Variants in ZNF382 observed in about 807,000 individuals in gnomAD.
ZNF382 encodes zinc finger protein 382, also known as KRAB/zinc finger suppressor protein 1.
ZNF382 carries 20 observed loss-of-function variants against 38.8 expected under a neutral mutation model. The ratio of observed to expected loss-of-function variants is 0.51; its 90% confidence interval spans 0.36 to 0.75. The LOEUF (loss-of-function observed/expected upper bound fraction) is 0.75. Among genes scored for constraint, ZNF382 ranks in the 30% least tolerant of loss-of-function variants. The pLI, the probability that ZNF382 is intolerant of heterozygous loss-of-function variation, is 0.00. For missense variants in ZNF382, 546 were observed against 654.1 expected (o/e 0.83, Z 1.80); for synonymous variants, 202 against 223.1 (o/e 0.91, Z 0.84).
At position 36,628,469 on chromosome 19, in the gene ZNF382, T is replaced by C. The variant is rs190713973; in HGVS notation, c.*919T>C. 6.5e-6 allele frequency: 1 copy of C among 153,280 alleles called. No individual in the cohort carries two copies. The highest frequency in any genetic ancestry group is 1.9e-4 in the East Asian group (1 of 5,188). The allele number at this position is 153,280 out of a possible 1,614,324, so 9.5% of individuals were successfully genotyped here. A position where few individuals can be genotyped will look rare whatever the true frequency, so the allele number is the denominator to read the frequency against. On this transcript the variant is annotated 3_prime_UTR_variant, in exon 5 of 5. Transcript: ENST00000292928. ...GTGCTGGTTCAAACCAGAGAATTCA[T>C]GCTGCAGGGAAACTCAATCAATGTT... is the stretch of plus-strand genomic sequence containing the variant.
At chr19:36,615,317 A>T (rs973439879) in intron 4 of ZNF382, among the ~76,000 whole-genome samples, 1 of 152,192 alleles carries the variant, frequency 6.6e-6, no homozygotes, top group African/African-American at 2.4e-5. Context: ...TATAGTAATT[A>T]TAATTTTAAC....
chr19:36,627,472 T>C lies in ZNF382; in HGVS notation c.1575T>C (p.Cys525=). Residue 525 remains cysteine (C), a synonymous_variant, in exon 5 of 5, where the codon TGT becomes TGC. Transcript: ENST00000292928. ...AGAAACCATATGAATGTAAACAGTG[T>C]GGGAAGTTCTTCAGTTGTAAGTCAA... ...TGEKPYECKQ[C]GKFFSCKSNL... is the part of the protein sequence containing the mutation. 2.5e-6 allele frequency: 4 copies of C among 1,614,148 alleles called. No homozygotes were observed. The highest frequency in any genetic ancestry group is 3.4e-6 in the Non-Finnish European group (4 of 1,180,008).
chr19:36,621,344 T>A (rs1484165718), intron 4 of ZNF382, among the ~76,000 whole-genome samples: 1 of 149,888 alleles, frequency 6.7e-6, no homozygotes, highest in Non-Finnish European at 1.5e-5. Flanking sequence ...TTTTTTTTTT[T>A]TTCCAGTTTT....
chr19:36,632,096 G>C lies in ZNF382; in HGVS notation c.*4546G>C, dbSNP rs1173957724. The C allele has an allele frequency of 6.6e-6, 1 of 152,172 alleles. No homozygotes were observed. The highest frequency in any genetic ancestry group is 2.4e-5 in the African/African-American group (1 of 41,440). The allele number at this position is 152,172 out of a possible 1,614,324, so 9.4% of individuals were successfully genotyped here. A position where few individuals can be genotyped will look rare whatever the true frequency, so the allele number is the denominator to read the frequency against. ...CAGTGGTTTTATTCACACACAGACCGCACACTGTCTCTGAACTGAAGCACT... is the reference window on the plus strand; with the variant it reads ...CAGTGGTTTTATTCACACACAGACCCCACACTGTCTCTGAACTGAAGCACT... On this transcript the variant is annotated 3_prime_UTR_variant, in exon 5 of 5. Transcript: ENST00000292928.
rs1475243469 is a variant in ZNF382, at chr19:36,626,519, C to G, written c.622C>G (p.Pro208Ala). 6.2e-7 allele frequency: 1 copy of G among 1,610,702 alleles called. No individual in the cohort carries two copies. Among genetic ancestry groups the G allele is most frequent in the South Asian group, 1.1e-5 (1 of 90,252 alleles). ...TATTCAGCATCAGAAGGTTCAAGCTCCAGAGCAACCATTTGACCATAATGA... is the reference window on the plus strand; with the variant it reads ...TATTCAGCATCAGAAGGTTCAAGCTGCAGAGCAACCATTTGACCATAATGA... ...ELIQHQKVQA[P>A]EQPFDHNECE... is the part of the protein sequence containing the mutation. The change falls in exon 5 of 5, where the codon CCA becomes GCA. Residue 208 changes from proline to alanine, a missense_variant. Coordinates refer to ENST00000292928, the MANE Select transcript of ZNF382 (RefSeq NM_032825.5).
At chr19:36,622,187 G>T (rs1241709506) in intron 4 of ZNF382, among the ~76,000 whole-genome samples, 2 of 152,022 alleles carry the variant, frequency 1.3e-5, no homozygotes, top group African/African-American at 4.8e-5. Flanking sequence ...ACACCCTGCT[G>T]ATTTTTGTAT....
In ZNF382 at chr19:36,627,286, C is replaced by G; in HGVS notation, c.1389C>G (p.Pro463=). ...LHQRIHTGEK[P]YICNECGKSF... Reference sequence around the variant, plus strand: ...AGAGAATTCACACGGGGGAAAAACCCTATATTTGTAATGAATGTGGGAAGT... The same window carrying G: ...AGAGAATTCACACGGGGGAAAAACCGTATATTTGTAATGAATGTGGGAAGT... Residue 463 remains proline (P), a synonymous_variant, in exon 5 of 5, where the codon CCC becomes CCG. Coordinates refer to ENST00000292928, the MANE Select transcript of ZNF382 (RefSeq NM_032825.5). 6.2e-7 allele frequency: 1 copy of G among 1,613,890 alleles called. No individual in the cohort carries two copies. Among genetic ancestry groups the G allele is most frequent in the African/African-American group, 1.3e-5 (1 of 74,932 alleles).
chr19:36,626,858 G>A lies in ZNF382; in HGVS notation c.961G>A (p.Glu321Lys), dbSNP rs1459819758. The change falls in exon 5 of 5, where the codon GAA becomes AAA. Residue 321 changes from glutamate to lysine, a missense_variant. Glu to Lys is a moderately conservative substitution (Grantham distance 56). Coordinates refer to ENST00000292928, the MANE Select transcript of ZNF382 (RefSeq NM_032825.5). ...LIEHQRIHTG[E>K]KPYVCNQCGK... Reference sequence around the variant, plus strand: ...TGAACATCAGCGAATTCACACAGGTGAAAAACCTTATGTTTGCAATCAATG... The same window carrying A: ...TGAACATCAGCGAATTCACACAGGTAAAAAACCTTATGTTTGCAATCAATG... 2 of 1,614,210 alleles carry A rather than the reference G, an allele frequency of 1.2e-6. No individual in the cohort carries two copies. Among genetic ancestry groups the A allele is most frequent in the Admixed American group, 1.7e-5 (1 of 60,030 alleles).
chr19:36,616,815 G>C (rs912004990), intron 4 of ZNF382, among the ~76,000 whole-genome samples: 3 of 152,168 alleles, frequency 2.0e-5, no homozygotes, highest in South Asian at 4.2e-4. Flanking sequence ...AGTTTCTTTT[G>C]GGGGCCCCTT....
intron 3 of ZNF382, among the ~76,000 whole-genome samples, 160 bp downstream of exon 3, chr19:36,610,213 T>G (rs1568627160): frequency 6.6e-6 from 1 of 152,128 alleles, no homozygotes; most frequent in Non-Finnish European, 1.5e-5. Context: ...CCCAGCACTT[T>G]GGGAGGCCGA....
At chr19:36,613,046 C>T (rs576825930) in intron 4 of ZNF382, among the ~76,000 whole-genome samples, 18 of 152,298 alleles carry the variant, frequency 1.2e-4, no homozygotes, top group African/African-American at 3.6e-4. Flanking sequence ...CCACCTTGGC[C>T]TCCCAAAGTG....
Position 36,610,570 on chromosome 19 carries a change from T to C in ZNF382, c.140-80T>C. The C allele has an allele frequency of 7.8e-6, 9 of 1,155,720 alleles. No individual in the cohort carries two copies. In the South Asian group the frequency reaches 1.3e-4, roughly 16 times the overall value. The allele number at this position is 1,155,720 out of a possible 1,614,324, so 71.6% of individuals were successfully genotyped here. On this transcript the variant is annotated intron_variant, in intron 3 of 4. Transcript: ENST00000292928. ...ATTAATGTATACCTCATTTACTACCTTGAAGTTGTATCTTTATCTTACTTC... is the reference window on the plus strand; with the variant it reads ...ATTAATGTATACCTCATTTACTACCCTGAAGTTGTATCTTTATCTTACTTC...
chr19:36,620,948 G>T (rs1343590816), intron 4 of ZNF382, among the ~76,000 whole-genome samples: 1 of 151,780 alleles, frequency 6.6e-6, no homozygotes, highest in African/African-American at 2.4e-5. Context: ...CAGTAGAGGT[G>T]GGGTTTCACC....
rs900938989 is a variant in ZNF382, at chr19:36,626,118, A to G, written c.233-12A>G. 1.3e-6 allele frequency: 2 copies of G among 1,527,506 alleles called. No individual in the cohort carries two copies. The highest frequency in any genetic ancestry group is 1.7e-6 in the Non-Finnish European group (2 of 1,143,500). 94.6% of individuals were successfully genotyped at this position (1,527,506 alleles called of 1,614,324 possible). A position where few individuals can be genotyped will look rare whatever the true frequency, so the allele number is the denominator to read the frequency against. On this transcript the variant is annotated splice_polypyrimidine_tract_variant and intron_variant, in intron 4 of 4. Transcript: ENST00000292928. ...TGTGAAGACTCACAGTGTTAATGGT[A>G]TTCTTTTCTAGAAGAAGATGGGAAA...
intron 4 of ZNF382, among the ~76,000 whole-genome samples, chr19:36,621,335 T>G (rs2037168347): frequency 6.6e-6 from 1 of 150,888 alleles, no homozygotes; most frequent in Non-Finnish European, 1.5e-5. Flanking sequence ...TTTTTTTTTT[T>G]TTTTTTTTTT....
At chr19:36,610,562 T>A (rs2037069005) in intron 3 of ZNF382, 88 bp from the exon 4 acceptor site, 1 of 1,008,222 alleles carries the variant, frequency 9.9e-7, no homozygotes, top group Admixed American at 2.2e-5. Flanking sequence ...TATACCTCAT[T>A]TACTACCTTG....
chr19:36,614,912 T>TCCTTC (rs1568628602), intron 4 of ZNF382, among the ~76,000 whole-genome samples: 13 of 43,076 alleles, frequency 3.0e-4, no homozygotes, highest in Non-Finnish European at 3.5e-4. Context: ...TCCTTTCCTT[T>TCCTTC]CCTTCCCTTT....
intron 4 of ZNF382, among the ~76,000 whole-genome samples, chr19:36,616,743 C>T (rs1303023207): frequency 6.6e-6 from 1 of 152,190 alleles, no homozygotes; most frequent in Non-Finnish European, 1.5e-5. Flanking sequence ...CAAAGCTTGG[C>T]TGAGTGAATA....
intron 4 of ZNF382, among the ~76,000 whole-genome samples, chr19:36,619,139 C>A (rs1018556369): frequency 1.3e-5 from 2 of 152,172 alleles, no homozygotes; most frequent in Non-Finnish European, 2.9e-5. Context: ...CTTAGAAGAA[C>A]TTTGTGCGCA....
Sources: gnomAD v4.1 joint callset for allele counts (sites outside exome capture counted in the v4.1 genomes callset) on GRCh38, gnomAD v4.1.1 for gene constraint, MANE v1.5 for transcripts, NCBI Gene and HGNC (gene_info 2026-07-23, HGNC 2026-07-21) for gene names.